The following BMPER variants were observed in gnomAD, a reference collection of about 807,000 sequenced individuals.
The protein encoded by BMPER is BMP-binding endothelial regulator protein.
Under a neutral mutation model 87.3 loss-of-function variants are expected in BMPER, and 45 were observed. The observed-to-expected ratio is 0.52, with a 90% CI of 0.41 to 0.66. BMPER has a LOEUF of 0.66. Ranked by LOEUF, BMPER falls within the 30% of genes least tolerant of loss-of-function variation. The pLI, the probability that BMPER is intolerant of heterozygous loss-of-function variation, is 0.00. For synonymous variants in BMPER, 326 were observed against 316.2 expected (o/e 1.03, Z -0.33); for missense variants, 784 against 867.5 (o/e 0.90, Z 1.21).
At chr7:34,079,287 C>G (rs1240257987) in intron 12 of BMPER, 101 bp downstream of exon 12, 3 of 1,486,088 alleles carry the variant, frequency 2.0e-6, no homozygotes, top group Non-Finnish European at 2.8e-6. Flanking sequence ...GTTCCTCCTC[C>G]GAGCAAAAAC....
chr7:34,016,160 C>T (rs1195733485), intron 6 of BMPER, among the ~76,000 whole-genome samples: 1 of 151,870 alleles, frequency 6.6e-6, no homozygotes, highest in Non-Finnish European at 1.5e-5. Context: ...ATTTATCCCA[C>T]GTATATTTTA....
intron 6 of BMPER, among the ~76,000 whole-genome samples, chr7:34,041,667 A>G (rs1787835563): frequency 6.6e-6 from 1 of 152,116 alleles, no homozygotes; most frequent in African/African-American, 2.4e-5. Context: ...ATGTGATGTA[A>G]GATTATGGAC....
intron 2 of BMPER, among the ~76,000 whole-genome samples, chr7:33,915,413 C>T (rs1379703439): frequency 1.3e-5 from 2 of 152,138 alleles, no homozygotes; most frequent in Non-Finnish European, 2.9e-5. Flanking sequence ...GTCTTAAATT[C>T]TAGGTCTTCA....
intron 2 of BMPER, among the ~76,000 whole-genome samples, chr7:33,921,459 A>G (rs1261129222): frequency 1.3e-5 from 2 of 152,230 alleles, no homozygotes; most frequent in East Asian, 3.8e-4. Flanking sequence ...ATTCTGTCCA[A>G]TCCCAGGCAG....
intron 13 of BMPER, among the ~76,000 whole-genome samples, chr7:34,109,087 C>T (rs564716500): frequency 7.2e-5 from 11 of 152,260 alleles, no homozygotes; most frequent in South Asian, 6.2e-4. Context: ...GATGAGTTGG[C>T]GAGCTGGAGA....
chr7:34,027,090 A>C (rs1787377435), intron 6 of BMPER, among the ~76,000 whole-genome samples: 1 of 152,002 alleles, frequency 6.6e-6, no homozygotes, highest in African/African-American at 2.4e-5. Context: ...TCTGCTTATC[A>C]TGGTTATGAG....
intron 6 of BMPER, among the ~76,000 whole-genome samples, chr7:33,995,289 C>G (rs928700658): frequency 5.9e-5 from 9 of 152,046 alleles, no homozygotes; most frequent in Non-Finnish European, 5.9e-5. Flanking sequence ...GAGCAAGAGG[C>G]TCTCATCCAT....
intron 13 of BMPER, among the ~76,000 whole-genome samples, chr7:34,140,102 C>G (rs1402269595): frequency 6.6e-6 from 1 of 152,218 alleles, no homozygotes; most frequent in Non-Finnish European, 1.5e-5. Context: ...AGTTCTGGAT[C>G]TGTGATCAGC....
At chr7:33,973,564 A>G (rs1467544812) in intron 5 of BMPER, among the ~76,000 whole-genome samples, 1 of 152,238 alleles carries the variant, frequency 6.6e-6, no homozygotes, top group Non-Finnish European at 1.5e-5. Flanking sequence ...TGGCCAGATC[A>G]GGTGGATGTA....
At chr7:34,134,731 A>G (rs1328139975) in intron 13 of BMPER, among the ~76,000 whole-genome samples, 1 of 152,212 alleles carries the variant, frequency 6.6e-6, no homozygotes, top group Admixed American at 6.5e-5. Flanking sequence ...AACTGTGGGC[A>G]TGAAGATTAT....
chr7:34,092,241 C>T (rs114022536), intron 13 of BMPER, among the ~76,000 whole-genome samples: 39 of 152,304 alleles, frequency 2.6e-4, no homozygotes, highest in African/African-American at 9.4e-4. Flanking sequence ...TCTTATTGCA[C>T]AAGTCTATTT....
chr7:33,993,641 G>A (rs2127928810), intron 6 of BMPER, among the ~76,000 whole-genome samples: 1 of 152,140 alleles, frequency 6.6e-6, no homozygotes, highest in Middle Eastern at 3.4e-3. Context: ...TCTCCATCCA[G>A]CTTTGTTCCG....
At chr7:34,076,418 G>A (rs1788866855) in intron 11 of BMPER, among the ~76,000 whole-genome samples, 1 of 152,150 alleles carries the variant, frequency 6.6e-6, no homozygotes, top group Non-Finnish European at 1.5e-5. Flanking sequence ...GGGTGTGTAT[G>A]TTTTGGCGGG....
chr7:34,055,624 T>C lies in BMPER; in HGVS notation c.927+321T>C, dbSNP rs1046791358. ...TCTCGTTGGAGATGCTCAATGACATTTGTCAAGGTGATGATCCTTGTCAAG... is the reference window on the plus strand; with the variant it reads ...TCTCGTTGGAGATGCTCAATGACATCTGTCAAGGTGATGATCCTTGTCAAG... On this transcript the variant is annotated intron_variant, in intron 9 of 14. Coordinates refer to ENST00000649409, the MANE Select transcript of BMPER (RefSeq NM_001365308.1). Among the ~76,000 whole-genome samples, 45 of 152,170 alleles carry C rather than the reference T, an allele frequency of 3.0e-4. 1 individual carries two copies. The highest frequency in any genetic ancestry group is 5.2e-4 in the Admixed American group (8 of 15,284).
intron 2 of BMPER, among the ~76,000 whole-genome samples, chr7:33,920,640 G>C (rs1006496819): frequency 1.4e-4 from 22 of 151,810 alleles, no homozygotes; most frequent in African/African-American, 5.3e-4. Flanking sequence ...TGGTCAGGCT[G>C]GTCTTGAACT....
intron 11 of BMPER, among the ~76,000 whole-genome samples, chr7:34,075,391 A>G (rs753772055): frequency 3.9e-5 from 6 of 152,240 alleles, no homozygotes; most frequent in Non-Finnish European, 7.3e-5. Context: ...GTAACACATA[A>G]TTCTATTACC....
intron 13 of BMPER, among the ~76,000 whole-genome samples, chr7:34,115,634 C>T (rs866199302): frequency 2.0e-5 from 3 of 152,144 alleles, no homozygotes; most frequent in African/African-American, 7.2e-5. Context: ...AGCATGTGTT[C>T]AAGGTTCATC....
At chr7:33,932,410 G>A (rs1784504779) in intron 2 of BMPER, among the ~76,000 whole-genome samples, 1 of 152,180 alleles carries the variant, frequency 6.6e-6, no homozygotes, top group Non-Finnish European at 1.5e-5. Context: ...CCTGAAAAAA[G>A]ATCTGTCACT....
intron 11 of BMPER, among the ~76,000 whole-genome samples, chr7:34,062,361 G>A (rs1042046008): frequency 1.3e-5 from 2 of 152,110 alleles, no homozygotes; most frequent in African/African-American, 2.4e-5. Flanking sequence ...TGTAGTCATC[G>A]CGGTTAAGAT....
Sources: allele counts gnomAD v4.1 joint callset (sites outside exome capture counted in the v4.1 genomes callset), GRCh38; gene constraint gnomAD v4.1.1; transcripts MANE v1.5; gene names NCBI Gene and HGNC (gene_info 2026-07-23, HGNC 2026-07-21).